ADGRG1: variants seen among roughly 807,000 people sequenced by gnomAD.
ADGRG1 encodes adhesion G protein-coupled receptor G1.
Under a neutral mutation model 73.5 loss-of-function variants are expected in ADGRG1, and 53 were observed. That is an observed-to-expected ratio of 0.72 (90% CI 0.58 to 0.91). The LOEUF (loss-of-function observed/expected upper bound fraction) is 0.91. Among genes scored for constraint, ADGRG1 ranks in the 40% least tolerant of loss-of-function variants. The probability of loss-of-function intolerance (pLI) is 0.00; values close to 1 mark genes in which losing one functional copy is unlikely to be tolerated. For synonymous variants in ADGRG1, 394 were observed against 374.4 expected (o/e 1.05, Z -0.60); for missense variants, 795 against 871.8 (o/e 0.91, Z 1.11).
intron 1 of ADGRG1, chr16:57,631,178 C>G (rs1455545967): frequency 1.8e-5 from 18 of 986,042 alleles, no homozygotes; most frequent in Non-Finnish European, 1.2e-6. Context: ...GGCGCCCAGT[C>G]GAGGGGAAGG....
chr16:57,658,914 C>A, intron 10 of ADGRG1: 2 of 980,080 alleles, frequency 2.0e-6, no homozygotes, highest in South Asian at 4.7e-5. Context: ...GCATGTTCTG[C>A]TGCACCCTCT....
In ADGRG1 at chr16:57,663,672, C is replaced by T. The variant is rs928659628; in HGVS notation, c.*90C>T. The T allele has an allele frequency of 2.1e-6, 3 of 1,416,624 alleles. No individual in the cohort carries two copies. In the African/African-American group the frequency reaches 4.2e-5, roughly 20 times the overall value. The allele number at this position is 1,416,624 out of a possible 1,614,324, so 87.8% of individuals were successfully genotyped here. On this transcript the variant is annotated 3_prime_UTR_variant, in exon 14 of 14. Coordinates refer to ENST00000562631, the MANE Select transcript of ADGRG1 (RefSeq NM_201525.4). Reference sequence around the variant, plus strand: ...CCCCGAGCCCGGCCCAGCCCCAGGCCAGTCAGCCGCAGACTTTGGAAAGCC... The same window carrying T: ...CCCCGAGCCCGGCCCAGCCCCAGGCTAGTCAGCCGCAGACTTTGGAAAGCC...
intron 1 of ADGRG1, chr16:57,645,352 T>G (rs927399079): frequency 2.0e-6 from 2 of 983,484 alleles, no homozygotes; most frequent in Non-Finnish European, 2.4e-6. Flanking sequence ...CGTTCCTCCC[T>G]CCTTGGCTCC....
intron 13 of ADGRG1, among the ~76,000 whole-genome samples, chr16:57,662,400 C>T (rs1219786579): frequency 4.3e-5 from 6 of 139,230 alleles, no homozygotes; most frequent in East Asian, 2.9e-4. Context: ...GAAGGATCCC[C>T]CCATGGAGAG....
upstream of ADGRG1, chr16:57,626,869 C>T: frequency 1.0e-6 from 1 of 978,712 alleles, no homozygotes; most frequent in African/African-American, 1.7e-5. Context: ...ACAACCCATC[C>T]TCCCCTAGAT....
At chr16:57,643,757 G>A (rs1192634850) in intron 1 of ADGRG1, 1 of 984,434 alleles carries the variant, frequency 1.0e-6, no homozygotes, top group Non-Finnish European at 1.2e-6. Flanking sequence ...CTCTTGGGGA[G>A]CTCTCTGTGG....
intron 3 of ADGRG1, among the ~76,000 whole-genome samples, chr16:57,652,349 T>C (rs1333356414): frequency 6.6e-6 from 1 of 151,742 alleles, no homozygotes; most frequent in Non-Finnish European, 1.5e-5. Flanking sequence ...GCACCTCAAG[T>C]TTGAGGCAGG....
chr16:57,661,554 TA>T lies in ADGRG1; in HGVS notation c.1665-139del, dbSNP rs1214057542. 4.7e-6 allele frequency: 7 copies of T among 1,493,552 alleles called. No homozygotes were observed. In the Admixed American group the frequency reaches 1.5e-4, roughly 32 times the overall value. 92.5% of individuals were successfully genotyped at this position (1,493,552 alleles called of 1,614,324 possible). A position where few individuals can be genotyped will look rare whatever the true frequency, so the allele number is the denominator to read the frequency against. ...TGACTTGTTAACTCAAATGTATTTT[TA>T]AAATTACATCAACACTGTAAATAGA... On this transcript the variant is annotated intron_variant, in intron 12 of 13. Transcript: ENST00000562631.
chr16:57,657,366 G>A lies in ADGRG1; in HGVS notation c.1168-7G>A. The A allele has an allele frequency of 6.2e-7, 1 of 1,613,998 alleles. No homozygotes were observed. The highest frequency in any genetic ancestry group is 8.5e-7 in the Non-Finnish European group (1 of 1,179,902). Reference sequence around the variant, plus strand: ...GAGGCCAGCTCTCTCCTGTCTCCTGGGGCCAGGTCTCCTCGGTGGAGGTGG... The same window carrying A: ...GAGGCCAGCTCTCTCCTGTCTCCTGAGGCCAGGTCTCCTCGGTGGAGGTGG... On this transcript the variant is annotated splice_polypyrimidine_tract_variant and splice_region_variant and intron_variant, in intron 9 of 13. Coordinates refer to ENST00000562631, the MANE Select transcript of ADGRG1 (RefSeq NM_201525.4).
At chr16:57,627,107 C>A (rs746425018), upstream of ADGRG1, 1 of 963,938 alleles carries the variant, frequency 1.0e-6, no homozygotes, top group Non-Finnish European at 1.2e-6. Context: ...TATGGCCTCC[C>A]TGCACCCCAC....
Position 57,631,159 on chromosome 16 carries a change from G to C in ADGRG1, c.-36+2357G>C, listed in dbSNP as rs373969800. 82 of 986,346 alleles carry C rather than the reference G, an allele frequency of 8.3e-5. No individual in the cohort carries two copies. In the African/African-American group the frequency reaches 1.1e-3, roughly 13 times the overall value. 61.1% of individuals were successfully genotyped at this position (986,346 alleles called of 1,614,324 possible). A position where few individuals can be genotyped will look rare whatever the true frequency, so the allele number is the denominator to read the frequency against. ...GCAGCTTCACGTGTGAGGGAGACGA[G>C]GGGGAGGTGGCGCCCAGTCGAGGGG... is the stretch of plus-strand genomic sequence containing the variant. On this transcript the variant is annotated intron_variant, in intron 1 of 13. Coordinates refer to ENST00000562631, the MANE Select transcript of ADGRG1 (RefSeq NM_201525.4).
rs574346083 is a variant in ADGRG1 at position 57,657,860 on chromosome 16, G to A, written c.1286+369G>A. 7.9e-5 allele frequency among the ~76,000 whole-genome samples: 12 copies of A among 152,104 alleles called. No individual in the cohort carries two copies. In the East Asian group the frequency reaches 2.3e-3, roughly 29 times the overall value. ...GGGTTCAAGTGATTCTTGTGCCTCA[G>A]CCTCCTGAGTAGTTGGGACTACTGG... On this transcript the variant is annotated intron_variant, in intron 10 of 13. Transcript: ENST00000562631.
rs553926233 is a variant in ADGRG1, at chr16:57,629,259, C to T, written c.-36+457C>T. ...GTGGGGGCGGACCCACAAGGAGATG[C>T]CTGGGAGGGGACTGGGGCCCAAGGG... On this transcript the variant is annotated intron_variant, in intron 1 of 13. Transcript: ENST00000562631. 729 of 771,754 alleles carry T rather than the reference C, an allele frequency of 9.4e-4. 1 individual carries two copies. The highest frequency in any genetic ancestry group is 8.5e-4 in the Non-Finnish European group (540 of 634,936). The allele number at this position is 771,754 out of a possible 1,614,324, so 47.8% of individuals were successfully genotyped here.
chr16:57,662,177 A>T (rs1377144600), intron 13 of ADGRG1, among the ~76,000 whole-genome samples: 2 of 152,138 alleles, frequency 1.3e-5, no homozygotes, highest in Non-Finnish European at 2.9e-5. Context: ...CTTATGGCTG[A>T]GCTGGTTGGG....
rs1225456419 is a variant in ADGRG1 at position 57,660,836 on chromosome 16, G to A, written c.1624G>A (p.Ala542Thr). 6 of 1,611,832 alleles carry A rather than the reference G, an allele frequency of 3.7e-6. No homozygotes were observed. The highest frequency in any genetic ancestry group is 5.1e-6 in the Non-Finnish European group (6 of 1,178,088). The change falls in exon 12 of 14, where the codon GCT becomes ACT. Residue 542 changes from alanine (A) to threonine (T), a missense_variant. Physicochemically the swap from Ala to Thr is moderately conservative, Grantham distance 58. Coordinates refer to ENST00000562631, the MANE Select transcript of ADGRG1 (RefSeq NM_201525.4). ...DVDNYGPIIL[A>T]VHRTPEGVIY... Reference sequence around the variant, plus strand: ...GGACAACTATGGCCCCATCATCTTGGCTGTGCATAGGACTCCAGAGGGCGT... The same window carrying A: ...GGACAACTATGGCCCCATCATCTTGACTGTGCATAGGACTCCAGAGGGCGT...
exon 1 of ADGRG1, chr16:57,620,843 G>T: frequency 6.6e-6 from 1 of 152,422 alleles, no homozygotes; most frequent in Non-Finnish European, 1.5e-5. Flanking sequence ...GGACTCTTTG[G>T]AACAGGGAAC....
At chr16:57,628,947 AGTGTGAGAGTGTGTGAGTGTGAGT>A (rs2036729998) in intron 1 of ADGRG1, 145 bp downstream of exon 1, 2 of 644,270 alleles carry the variant, frequency 3.1e-6, no homozygotes, top group South Asian at 1.4e-4. Context: ...TGAGCGTGAG[AGTGTGAGAGTGTGTGAGTGTGAGT>A]GTGTGAGAGT....
intron 5 of ADGRG1, among the ~76,000 whole-genome samples, chr16:57,654,396 C>T (rs574635309): frequency 1.3e-4 from 20 of 149,086 alleles, no homozygotes; most frequent in South Asian, 4.3e-4. Context: ...AGCCCCTAAA[C>T]GCCTGTCCAC....
chr16:57,635,524 T>C, intron 1 of ADGRG1: 2 of 985,290 alleles, frequency 2.0e-6, no homozygotes, highest in Non-Finnish European at 2.4e-6. Context: ...GTCCCGTCTC[T>C]GTCTACCTAC....
Sources: gnomAD v4.1 joint callset for allele counts (sites outside exome capture counted in the v4.1 genomes callset) on GRCh38, gnomAD v4.1.1 for gene constraint, MANE v1.5 for transcripts, NCBI Gene and HGNC (gene_info 2026-07-23, HGNC 2026-07-21) for gene names.